EMILIN2: variants seen among roughly 807,000 people sequenced by gnomAD.
EMILIN2 encodes elastin microfibril interfacer 2, also known as EMILIN-2.
EMILIN2 carries 71 observed loss-of-function variants against 87.1 expected under a neutral mutation model. That is an observed-to-expected ratio of 0.82 (90% CI 0.67 to 0.99). The LOEUF (loss-of-function observed/expected upper bound fraction) is 0.99, where lower values mean the gene tolerates loss of function less well. EMILIN2 is among the 50% of genes least tolerant of loss of function. The probability of loss-of-function intolerance (pLI) is 0.00; values close to 1 mark genes in which losing one functional copy is unlikely to be tolerated. For synonymous variants in EMILIN2, 581 were observed against 563.4 expected (o/e 1.03, Z -0.44); for missense variants, 1,407 against 1,371.8 (o/e 1.03, Z -0.40).
chr18:2,885,660 G>C lies in EMILIN2; in HGVS notation c.433+521G>C, dbSNP rs540569198. ...TGGCCTCCGAGTAGCTGGGATTACA[G>C]GCGCCTGCCACCATGCCCGGCTGAT... On this transcript the variant is annotated intron_variant, in intron 3 of 7. Transcript: ENST00000254528. 3.4e-4 allele frequency among the ~76,000 whole-genome samples: 52 copies of C among 152,272 alleles called. 1 individual carries two copies. Among genetic ancestry groups the C allele is most frequent in the Admixed American group, 3.2e-3 (49 of 15,294 alleles).
Position 2,913,297 on chromosome 18 carries a change from G to A in EMILIN2, c.3055G>A (p.Ala1019Thr). The stretch of plus-strand genomic sequence containing the variant: ...CATCGTGCACCTGAAGGCGGGAGAT[G>A]CAGTCAACGTCGTGGTGACTGGGGG... ...HLIVHLKAGD[A>T]VNVVVTGGKL... is the part of the protein sequence containing the mutation. The change falls in exon 8 of 8, where the codon GCA becomes ACA. Residue 1019 changes from alanine to threonine, a missense_variant. Coordinates refer to ENST00000254528, the MANE Select transcript of EMILIN2 (RefSeq NM_032048.3). 2.5e-6 allele frequency: 4 copies of A among 1,613,186 alleles called. No homozygotes were observed. Among genetic ancestry groups the A allele is most frequent in the Non-Finnish European group, 3.4e-6 (4 of 1,179,366 alleles).
rs1437701496 is a variant in EMILIN2 at position 2,907,150 on chromosome 18, G to C, written c.2662+65G>C. 4.1e-6 allele frequency: 5 copies of C among 1,222,006 alleles called. No homozygotes were observed. The African/African-American group carries it at 6.3e-5, about 15-fold the overall frequency. The allele number at this position is 1,222,006 out of a possible 1,614,324, so 75.7% of individuals were successfully genotyped here. ...CCCGGAACTTCCGCCTGAGCCTCGG[G>C]GTCTGCTGAGGGGCGTGGCGGTTCG... On this transcript the variant is annotated intron_variant, in intron 5 of 7. Coordinates refer to ENST00000254528, the MANE Select transcript of EMILIN2 (RefSeq NM_032048.3).
chr18:2,914,298 C>G lies in EMILIN2; in HGVS notation c.*894C>G, dbSNP rs1294072345. 2 of 152,228 alleles carry G rather than the reference C, an allele frequency of 1.3e-5. No individual in the cohort carries two copies. Among genetic ancestry groups the G allele is most frequent in the African/African-American group, 4.8e-5 (2 of 41,456 alleles). The allele number at this position is 152,228 out of a possible 1,614,324, so 9.4% of individuals were successfully genotyped here. ...GTGCACGGAGGTCAAGGCCCCATGT[C>G]ATCTGCAGCTGGAGCGGCTCCTCTG... On this transcript the variant is annotated 3_prime_UTR_variant, in exon 8 of 8. Coordinates refer to ENST00000254528, the MANE Select transcript of EMILIN2 (RefSeq NM_032048.3).
intron 2 of EMILIN2, among the ~76,000 whole-genome samples, chr18:2,865,755 A>G (rs1304753773): frequency 6.6e-6 from 1 of 152,208 alleles, no homozygotes; most frequent in Non-Finnish European, 1.5e-5. Context: ...TGGGACATTT[A>G]AGTCTGCAGA....
chr18:2,911,269 G>T (rs1287773820), intron 7 of EMILIN2, among the ~76,000 whole-genome samples: 2 of 152,110 alleles, frequency 1.3e-5, no homozygotes, highest in African/African-American at 4.8e-5. Flanking sequence ...GCATGCACAG[G>T]GGCCTACCAG....
rs1487536706 is a variant in EMILIN2, at chr18:2,914,647, G to T, written c.*1243G>T. On this transcript the variant is annotated 3_prime_UTR_variant, in exon 8 of 8. Transcript: ENST00000254528. Reference sequence around the variant, plus strand: ...CTACTGGTTAATCAAGTCCCACTGGGGAAAGGTTTGGACGGTAGAATCAAG... The same window carrying T: ...CTACTGGTTAATCAAGTCCCACTGGTGAAAGGTTTGGACGGTAGAATCAAG... 6.6e-6 allele frequency: 1 copy of T among 152,192 alleles called. No homozygotes were observed. The highest frequency in any genetic ancestry group is 1.5e-5 in the Non-Finnish European group (1 of 68,062). The allele number at this position is 152,192 out of a possible 1,614,324, so 9.4% of individuals were successfully genotyped here.
intron 4 of EMILIN2, among the ~76,000 whole-genome samples, chr18:2,893,997 C>T (rs775099816): frequency 6.6e-6 from 1 of 152,150 alleles, no homozygotes; most frequent in Non-Finnish European, 1.5e-5. Flanking sequence ...CTGACCTCCC[C>T]CTCCCTGTTT....
intron 2 of EMILIN2, among the ~76,000 whole-genome samples, chr18:2,852,896 G>T (rs146941457): frequency 5.9e-5 from 9 of 152,300 alleles, no homozygotes; most frequent in African/African-American, 2.2e-4. Context: ...CTCTCTCTGT[G>T]TCTCTCTCTA....
rs779171710 is a variant in EMILIN2 at position 2,890,941 on chromosome 18, AC to A, written c.815del (p.Thr272IlefsTer2). The A allele has an allele frequency of 5.6e-6, 9 of 1,614,100 alleles. No individual in the cohort carries two copies. In the Middle Eastern group the frequency reaches 1.3e-3, roughly 237 times the overall value. On this transcript the variant is annotated frameshift_variant, in exon 4 of 8. Transcript: ENST00000254528. LOFTEE classifies it high-confidence loss of function. The surrounding 1 kb of genome is among the most constrained non-coding windows in gnomAD (Gnocchi z 4.7). The part of the protein sequence containing the change: ...IKSELAEVKD[T>X]LKNKSDKLEE... ...GTCTGAATTGGCTGAAGTCAAAGAT[AC>A]TCTAAAGAACAAAAGTGACAAGCTG...
Position 2,890,266 on chromosome 18 carries a change from T to C in EMILIN2, c.434-295T>C, listed in dbSNP as rs1284857492. 2.6e-5 allele frequency among the ~76,000 whole-genome samples: 4 copies of C among 152,216 alleles called. No individual in the cohort carries two copies. Among genetic ancestry groups the C allele is most frequent in the African/African-American group, 7.2e-5 (3 of 41,466 alleles). On this transcript the variant is annotated intron_variant, in intron 3 of 7. Transcript: ENST00000254528. The surrounding 1 kb of genome is among the most constrained non-coding windows in gnomAD (Gnocchi z 4.7). ...TCTAATAGGTGTCATGTACATATTA[T>C]TTTAACAGCTCTAGAAGCTGTTCTT...
chr18:2,878,965 T>A (rs911882828), intron 2 of EMILIN2, among the ~76,000 whole-genome samples: 1 of 152,132 alleles, frequency 6.6e-6, no homozygotes, highest in Non-Finnish European at 1.5e-5. Flanking sequence ...TTTAGTAGCC[T>A]GTGTCAAAAT....
rs1319804175 is a variant in EMILIN2, at chr18:2,913,751, G to GA, written c.*348dup. ...GTGGGCTGGGAGGAGGGAGGCAGGG[G>GA]AGAGCCGGTCACGGTGGCTGGTCTT... On this transcript the variant is annotated 3_prime_UTR_variant, in exon 8 of 8. Transcript: ENST00000254528. The GA allele has an allele frequency of 4.8e-5, 12 of 252,386 alleles. No individual in the cohort carries two copies. In the East Asian group the frequency reaches 1.2e-3, roughly 26 times the overall value. 15.6% of individuals were successfully genotyped at this position (252,386 alleles called of 1,614,324 possible).
chr18:2,904,840 G>T (rs1157490780), intron 4 of EMILIN2, among the ~76,000 whole-genome samples: 1 of 152,206 alleles, frequency 6.6e-6, no homozygotes, highest in Non-Finnish European at 1.5e-5. Flanking sequence ...TTTCACGACT[G>T]TGGGCATCAT....
chr18:2,913,042 A>G (rs888255541), intron 7 of EMILIN2, 25 bp from the exon 8 acceptor site: 1 of 1,603,430 alleles, frequency 6.2e-7, no homozygotes, highest in African/African-American at 1.3e-5. Flanking sequence ...GCAGGTGAGC[A>G]CAGGGTTTGC....
chr18:2,909,462 C>T (rs1310033757), intron 6 of EMILIN2, among the ~76,000 whole-genome samples: 1 of 152,252 alleles, frequency 6.6e-6, no homozygotes, highest in Non-Finnish European at 1.5e-5. Flanking sequence ...CACACACACC[C>T]TCCTAACAAG....
rs151038578 is a variant in EMILIN2, at chr18:2,892,477, C to T, written c.2350C>T (p.Pro784Ser). 251 of 1,587,972 alleles carry T rather than the reference C, an allele frequency of 1.6e-4. No individual in the cohort carries two copies. The African/African-American group carries it at 2.8e-3, about 18-fold the overall frequency. The change falls in exon 4 of 8, where the codon CCA (proline) becomes TCA (serine). Residue 784 changes from proline (P) to serine (S), a missense_variant. Transcript: ENST00000254528. ...TTTGCAAGATCTGGTCAAATTTCAG[C>T]CATCAGCAAGTAAGTTGAATATTAC... ...TDLQDLVKFQPSAKAPSPPPP... is the reference protein window; with the variant it reads ...TDLQDLVKFQSSAKAPSPPPP...
intron 2 of EMILIN2, among the ~76,000 whole-genome samples, chr18:2,867,006 C>G (rs1300959226): frequency 1.3e-5 from 2 of 152,294 alleles, no homozygotes; most frequent in East Asian, 3.9e-4. Flanking sequence ...CATTTATTGA[C>G]TTGCATATGT....
At chr18:2,855,704 T>C (rs1835889687) in intron 2 of EMILIN2, among the ~76,000 whole-genome samples, 1 of 152,166 alleles carries the variant, frequency 6.6e-6, no homozygotes, top group Non-Finnish European at 1.5e-5. Flanking sequence ...TCCTACAGCC[T>C]GACATCTCCC....
At chr18:2,870,403 TCATTAAACAAATATTTTTGTTC>T (rs2076713646) in intron 2 of EMILIN2, among the ~76,000 whole-genome samples, 1 of 152,228 alleles carries the variant, frequency 6.6e-6, no homozygotes, top group African/African-American at 2.4e-5. Context: ...ACTATTTGTT[TCATTAAACAAATATTTTTGTTC>T]AAAGCCTACA....
Sources: gnomAD v4.1 joint callset for allele counts (sites outside exome capture counted in the v4.1 genomes callset) on GRCh38, gnomAD v4.1.1 for gene constraint, Gnocchi (gnomAD v3.1) non-coding constraint, MANE v1.5 for transcripts, NCBI Gene and HGNC (gene_info 2026-07-23, HGNC 2026-07-21) for gene names.